Variants in RNF150 observed in about 807,000 individuals in gnomAD.
RNF150 encodes ring finger protein 150.
Under a neutral mutation model 39.3 loss-of-function variants are expected in RNF150, and 24 were observed. That is an observed-to-expected ratio of 0.61 (90% CI 0.44 to 0.86). The LOEUF (loss-of-function observed/expected upper bound fraction) is 0.86. Ranked by LOEUF, RNF150 falls within the 40% of genes least tolerant of loss-of-function variation. The pLI, the probability that RNF150 is intolerant of heterozygous loss-of-function variation, is 0.00. For missense variants in RNF150, 502 were observed against 587.8 expected, an observed-to-expected ratio of 0.85 and a Z score of 1.51; for synonymous variants, 255 against 227.3, an observed-to-expected ratio of 1.12 and a Z score of -1.10.
At chr4:141,097,530 T>G (rs1490041075) in intron 1 of RNF150, among the ~76,000 whole-genome samples, 15 of 126,634 alleles carry the variant, frequency 1.2e-4, no homozygotes, top group East Asian at 3.2e-4. Context: ...CATCAAATAA[T>G]GGTGGGCCTT....
In RNF150 at chr4:141,016,142, C is replaced by T. The variant is rs150054126; in HGVS notation, c.485-48269G>A. ...CCCTTTAGTCCATTTCTTTTTACTG[C>T]GTCCGTCCCTGACAATACCTGCTGT... On this transcript the variant is annotated intron_variant, in intron 1 of 6. Transcript: ENST00000515673. 4.8e-3 allele frequency among the ~76,000 whole-genome samples: 732 copies of T among 152,262 alleles called. 4 individuals carry two copies. Among genetic ancestry groups the T allele is most frequent in the African/African-American group, 0.017 (705 of 41,542 alleles).
intron 1 of RNF150, among the ~76,000 whole-genome samples, chr4:140,970,504 A>G (rs148808713): frequency 3.8e-4 from 51 of 134,106 alleles, no homozygotes; most frequent in Non-Finnish European, 6.4e-4. Context: ...AATTACTTAT[A>G]CTTAAGAAAC....
chr4:141,103,960 A>G (rs1253535152), intron 1 of RNF150, among the ~76,000 whole-genome samples: 1 of 152,194 alleles, frequency 6.6e-6, no homozygotes, highest in East Asian at 1.9e-4. Context: ...TGCAGGAGAA[A>G]AAGTAGTTCA....
At chr4:141,151,027 G>T (rs1038361472) in intron 1 of RNF150, among the ~76,000 whole-genome samples, 8 of 152,050 alleles carry the variant, frequency 5.3e-5, no homozygotes, top group African/African-American at 1.9e-4. Context: ...AGACTCCCAG[G>T]CTCAAGTGAT....
At chr4:140,988,068 G>A (rs1207462666) in intron 1 of RNF150, among the ~76,000 whole-genome samples, 1 of 152,112 alleles carries the variant, frequency 6.6e-6, no homozygotes, top group African/African-American at 2.4e-5. Context: ...TCTCACACCA[G>A]TCACAATGGC....
intron 1 of RNF150, among the ~76,000 whole-genome samples, chr4:140,977,218 T>C (rs1053037215): frequency 1.3e-5 from 2 of 152,198 alleles, no homozygotes; most frequent in African/African-American, 4.8e-5. Context: ...TCAGCCTGCA[T>C]CTGTGCCTCC....
At chr4:141,012,781 CAAA>C (rs397995597) in intron 1 of RNF150, among the ~76,000 whole-genome samples, 48 of 71,432 alleles carry the variant, frequency 6.7e-4, no homozygotes, top group South Asian at 2.2e-3. Context: ...GACTCTGTCT[CAAA>C]AAAAAAAAAA....
At chr4:141,034,928 T>C (rs1286546124) in intron 1 of RNF150, among the ~76,000 whole-genome samples, 1 of 152,206 alleles carries the variant, frequency 6.6e-6, no homozygotes, top group Non-Finnish European at 1.5e-5. Context: ...ATTACCAAAA[T>C]GTGACAGAGA....
chr4:140,976,718 C>T (rs575745376), intron 1 of RNF150, among the ~76,000 whole-genome samples: 2 of 152,050 alleles, frequency 1.3e-5, no homozygotes, highest in African/African-American at 4.8e-5. Flanking sequence ...TTCCATGATC[C>T]ACCATTATAA....
chr4:140,933,503 A>G (rs1351193137), intron 4 of RNF150, among the ~76,000 whole-genome samples: 1 of 152,186 alleles, frequency 6.6e-6, no homozygotes, highest in African/African-American at 2.4e-5. Flanking sequence ...GTATAATGCA[A>G]ATATTCCAGA....
rs117120355 is a variant in RNF150 at position 140,976,983 on chromosome 4, C to T, written c.485-9110G>A. ...ATGACCTCATACCTTTATGTCTCTC[C>T]GGGAACCTCCCACACCCCCTCCCAC... On this transcript the variant is annotated intron_variant, in intron 1 of 6. Transcript: ENST00000515673. Among the ~76,000 whole-genome samples the T allele has an allele frequency of 5.3e-3, 811 of 152,064 alleles. 21 individuals carry two copies. The highest frequency in any genetic ancestry group is 0.042 in the Admixed American group (638 of 15,262).
At chr4:140,988,386 G>A (rs184931794) in intron 1 of RNF150, among the ~76,000 whole-genome samples, 1 of 151,902 alleles carries the variant, frequency 6.6e-6, no homozygotes, top group Non-Finnish European at 1.5e-5. Flanking sequence ...TAAAGAAAAT[G>A]TGGTACATCT....
Position 141,079,765 on chromosome 4 carries a change from T to C in RNF150, c.484+52560A>G, listed in dbSNP as rs58600034. ...GTAACACCTCCTAGCAGAACTGTTA[T>C]AGACAGATTTCATGTCTGGCATTTA... On this transcript the variant is annotated intron_variant, in intron 1 of 6. Transcript: ENST00000515673. Among the ~76,000 whole-genome samples, 1,452 of 152,340 alleles carry C rather than the reference T, an allele frequency of 9.5e-3. 29 individuals carry two copies. The highest frequency in any genetic ancestry group is 0.033 in the African/African-American group (1,379 of 41,566).
At chr4:141,171,714 G>A (rs1469617221) in intron 1 of RNF150, among the ~76,000 whole-genome samples, 1 of 152,180 alleles carries the variant, frequency 6.6e-6, no homozygotes, top group East Asian at 1.9e-4. Context: ...ACATGTGCAT[G>A]TACATATAGC....
chr4:141,010,929 G>A (rs1735053022), intron 1 of RNF150, among the ~76,000 whole-genome samples: 1 of 152,084 alleles, frequency 6.6e-6, no homozygotes, highest in Non-Finnish European at 1.5e-5. Context: ...GTTTTCCAAA[G>A]CGCAGGCTCC....
intron 6 of RNF150, among the ~76,000 whole-genome samples, chr4:140,890,887 G>A (rs1729732377): frequency 6.6e-6 from 1 of 152,154 alleles, no homozygotes; most frequent in Non-Finnish European, 1.5e-5. Context: ...TCCTAGGAAG[G>A]GACCTTTTGA....
At chr4:140,971,989 C>T (rs942558411) in intron 1 of RNF150, among the ~76,000 whole-genome samples, 54 of 151,842 alleles carry the variant, frequency 3.6e-4, no homozygotes, top group Non-Finnish European at 8.8e-5. Flanking sequence ...ATCTTTACTT[C>T]AATCTCAGTC....
chr4:140,966,463 A>C (rs1733248636), intron 2 of RNF150, among the ~76,000 whole-genome samples: 2 of 152,122 alleles, frequency 1.3e-5, no homozygotes, highest in Non-Finnish European at 2.9e-5. Flanking sequence ...CTATCCTACA[A>C]AAAAGGGTTA....
At chr4:140,980,276 C>T (rs942836507) in intron 1 of RNF150, among the ~76,000 whole-genome samples, 1 of 151,960 alleles carries the variant, frequency 6.6e-6, no homozygotes, top group African/African-American at 2.4e-5. Flanking sequence ...TTCCTGACCT[C>T]GGGTGATCTG....
Sources: allele counts gnomAD v4.1 joint callset (sites outside exome capture counted in the v4.1 genomes callset), GRCh38; gene constraint gnomAD v4.1.1; transcripts MANE v1.5; gene names NCBI Gene and HGNC (gene_info 2026-07-23, HGNC 2026-07-21).